Variants in ARNT2 observed in about 807,000 individuals in gnomAD.
ARNT2 encodes ARNT protein 2.
Under a neutral mutation model 91.7 loss-of-function variants are expected in ARNT2, and 36 were observed. The observed-to-expected ratio is 0.39, with a 90% CI of 0.30 to 0.52. ARNT2 has a LOEUF of 0.52. ARNT2 is among the 20% of genes least tolerant of loss of function. The pLI, the probability that ARNT2 is intolerant of heterozygous loss-of-function variation, is 0.72. For missense variants in ARNT2, 775 were observed against 939.3 expected, an observed-to-expected ratio of 0.83 and a Z score of 2.29; for synonymous variants, 365 against 347.1, an observed-to-expected ratio of 1.05 and a Z score of -0.57.
intron 8 of ARNT2, among the ~76,000 whole-genome samples, chr15:80,530,376 G>A (rs1006663439): frequency 3.3e-5 from 5 of 152,080 alleles, no homozygotes; most frequent in Admixed American, 3.3e-4. Context: ...GGGACTTACT[G>A]GGAGGGAGGG....
chr15:80,572,208 G>A (rs1482911751), intron 12 of ARNT2, among the ~76,000 whole-genome samples: 3 of 152,030 alleles, frequency 2.0e-5, no homozygotes, highest in Non-Finnish European at 4.4e-5. Context: ...GGGGGCCAGG[G>A]CAAATGCACA....
chr15:80,555,213 G>A (rs1898158200), intron 11 of ARNT2, 74 bp downstream of exon 11: 3 of 1,503,586 alleles, frequency 2.0e-6, no homozygotes, highest in African/African-American at 1.4e-5. Context: ...CAGGACATTA[G>A]TCCTACTATG....
intron 8 of ARNT2, among the ~76,000 whole-genome samples, chr15:80,534,558 A>G (rs1468194777): frequency 2.6e-5 from 4 of 152,204 alleles, no homozygotes; most frequent in African/African-American, 4.8e-5. Context: ...AATGGAGCTC[A>G]TGTATATTTT....
At chr15:80,458,723 G>C (rs76958776) in intron 3 of ARNT2, among the ~76,000 whole-genome samples, 6,207 of 152,008 alleles carry the variant, frequency 0.041, 164 homozygotes, top group South Asian at 0.092. Flanking sequence ...GTGTTGACAG[G>C]AAGGCACAAA....
At chr15:80,425,625 G>C (rs1185425636) in intron 1 of ARNT2, among the ~76,000 whole-genome samples, 1 of 151,888 alleles carries the variant, frequency 6.6e-6, no homozygotes, top group Non-Finnish European at 1.5e-5. Flanking sequence ...GTGCAGGTTT[G>C]TTACATACAT....
At chr15:80,479,827 G>T (rs1032722803) in intron 5 of ARNT2, among the ~76,000 whole-genome samples, 9 of 152,152 alleles carry the variant, frequency 5.9e-5, no homozygotes. Flanking sequence ...GATCCTGATG[G>T]CCAGGGAGAC....
chr15:80,433,466 A>G (rs1595959881), intron 1 of ARNT2, among the ~76,000 whole-genome samples: 1 of 151,644 alleles, frequency 6.6e-6, no homozygotes, highest in African/African-American at 2.4e-5. Flanking sequence ...TTGTATTTTT[A>G]GTAGAGACGA....
rs56146872 is a variant in ARNT2 at position 80,516,828 on chromosome 15, A to AATATATATATATATATATATATAT, written c.877+2428_877+2451dup. On this transcript the variant is annotated intron_variant, in intron 8 of 18. Transcript: ENST00000303329. The stretch of plus-strand genomic sequence containing the variant: ...TTTACAATTATTATATACAATTACA[A>AATATATATATATATATATATATAT]ATATATATATATATATATATATATA... 7.4e-3 allele frequency among the ~76,000 whole-genome samples: 553 copies of AATATATATATATATATATATATAT among 74,680 alleles called. 53 individuals are homozygous for AATATATATATATATATATATATAT. Among genetic ancestry groups the AATATATATATATATATATATATAT allele is most frequent in the Non-Finnish European group, 8.6e-3 (322 of 37,608 alleles). The allele number at this position is 74,680 out of a possible 152,430, so 49.0% of individuals were successfully genotyped here.
At chr15:80,429,389 T>C (rs529082138) in intron 1 of ARNT2, among the ~76,000 whole-genome samples, 7 of 152,240 alleles carry the variant, frequency 4.6e-5, no homozygotes, top group South Asian at 2.1e-4. Flanking sequence ...AACCCCTAAA[T>C]GTTGGGATTT....
chr15:80,464,023 G>A lies in ARNT2; in HGVS notation c.194+6047G>A, dbSNP rs546180243. Among the ~76,000 whole-genome samples, 451 of 152,308 alleles carry A rather than the reference G, an allele frequency of 3.0e-3. 4 individuals are homozygous for A. Among genetic ancestry groups the A allele is most frequent in the Non-Finnish European group, 5.4e-3 (369 of 68,032 alleles). ...ATGATAGTGCCTGGATAACACTAGAGTTTTTTGGAGAGAGAGGAGGAAATC... is the reference window on the plus strand; with the variant it reads ...ATGATAGTGCCTGGATAACACTAGAATTTTTTGGAGAGAGAGGAGGAAATC... On this transcript the variant is annotated intron_variant, in intron 3 of 18. Transcript: ENST00000303329.
At chr15:80,435,554 T>C (rs1291297878) in intron 1 of ARNT2, among the ~76,000 whole-genome samples, 2 of 152,022 alleles carry the variant, frequency 1.3e-5, no homozygotes, top group Non-Finnish European at 2.9e-5. Context: ...CCCCCTCCCA[T>C]GCACATTGCT....
At chr15:80,451,643 T>C (rs1038453464) in intron 2 of ARNT2, among the ~76,000 whole-genome samples, 9 of 151,584 alleles carry the variant, frequency 5.9e-5, no homozygotes, top group African/African-American at 1.9e-4. Flanking sequence ...ACCAACCAAC[T>C]AACCAACCAA....
At chr15:80,502,984 G>T (rs1338838465) in intron 5 of ARNT2, among the ~76,000 whole-genome samples, 1 of 152,218 alleles carries the variant, frequency 6.6e-6, no homozygotes, top group Middle Eastern at 3.2e-3. Context: ...GGATGAGGCT[G>T]GGGAGCAGGG....
At chr15:80,420,707 A>G (rs1595954957) in intron 1 of ARNT2, among the ~76,000 whole-genome samples, 1 of 152,118 alleles carries the variant, frequency 6.6e-6, no homozygotes, top group Admixed American at 6.5e-5. Context: ...TGAATGAATT[A>G]GAATGAATAT....
chr15:80,574,203 TCGTATGACTTA>T lies in ARNT2; in HGVS notation c.1373_1383del (p.Ser458PhefsTer14). 1 of 1,614,186 alleles carries T rather than the reference TCGTATGACTTA, an allele frequency of 6.2e-7. No individual in the cohort carries two copies. The highest frequency in any genetic ancestry group is 8.5e-7 in the Non-Finnish European group (1 of 1,180,016). ...AGTGCACCAGAGAGATGGATTGTCA[TCGTATGACTTA>T]TCCCAGGTGAGTTTCTGGAAAACCC... On this transcript the variant is annotated frameshift_variant, in exon 13 of 19. Transcript: ENST00000303329. LOFTEE classifies it high-confidence loss of function.
chr15:80,438,843 C>T (rs1896138469), intron 1 of ARNT2, among the ~76,000 whole-genome samples: 1 of 152,192 alleles, frequency 6.6e-6, no homozygotes, highest in Non-Finnish European at 1.5e-5. Context: ...GCACACGCCA[C>T]CACGCCTGGC....
intron 5 of ARNT2, chr15:80,487,890 T>G (rs1168197322): frequency 6.6e-6 from 1 of 152,200 alleles, no homozygotes; most frequent in Non-Finnish European, 1.5e-5. Context: ...TATTTCTTTG[T>G]AAGAGAAATA....
chr15:80,460,466 A>G (rs1003827339), intron 3 of ARNT2, among the ~76,000 whole-genome samples: 2 of 152,190 alleles, frequency 1.3e-5, no homozygotes, highest in African/African-American at 4.8e-5. Context: ...GCACATGCAC[A>G]CGCCCATACG....
At position 80,470,253 on chromosome 15, in the gene ARNT2, A is replaced by G; in HGVS notation, c.230A>G (p.Asn77Ser). The G allele has an allele frequency of 6.2e-7, 1 of 1,614,194 alleles. No homozygotes were observed. The highest frequency in any genetic ancestry group is 8.5e-7 in the Non-Finnish European group (1 of 1,180,030). Residue 77 changes from asparagine to serine, a missense_variant, in exon 4 of 19, where the codon AAC (asparagine) becomes AGC (serine). Transcript: ENST00000303329. ...AGTGAAATCGAAAGGCGCAGACGGA[A>G]CAAGATGACTCAGTACATCACGGAG... is the stretch of plus-strand genomic sequence containing the variant. ...NHSEIERRRR[N>S]KMTQYITELS...
Sources: gnomAD v4.1 joint callset for allele counts (sites outside exome capture counted in the v4.1 genomes callset) on GRCh38, gnomAD v4.1.1 for gene constraint, MANE v1.5 for transcripts, NCBI Gene and HGNC (gene_info 2026-07-23, HGNC 2026-07-21) for gene names.